ROBO1: variants seen among roughly 807,000 people sequenced by gnomAD.
ROBO1 encodes the protein roundabout guidance receptor 1, also known as roundabout homolog 1.
ROBO1 carries 149 observed loss-of-function variants against 195.9 expected under a neutral mutation model. The ratio of observed to expected loss-of-function variants is 0.76; its 90% CI spans 0.67 to 0.87. The LOEUF (loss-of-function observed/expected upper bound fraction) is 0.87. ROBO1 is among the 40% of genes least tolerant of loss of function. The pLI is 0.00. For synonymous variants in ROBO1, 816 were observed against 733.2 expected, an observed-to-expected ratio of 1.11 and a Z score of -1.82; for missense variants, 1,933 against 2,068.3, an observed-to-expected ratio of 0.93 and a Z score of 1.27.
At chr3:79,445,796 G>A (rs62257568) in intron 2 of ROBO1, among the ~76,000 whole-genome samples, 37,780 of 151,560 alleles carry the variant, frequency 0.25, 5,848 homozygotes, top group East Asian at 0.38. Flanking sequence ...CGAGTAGCTG[G>A]GACTACAGGC....
Position 79,120,538 on chromosome 3 carries a change from C to A in ROBO1, c.172+4918G>T, listed in dbSNP as rs1330828274. On this transcript the variant is annotated intron_variant, in intron 3 of 30. Coordinates refer to ENST00000464233, the MANE Select transcript of ROBO1 (RefSeq NM_002941.4). ...AGGCTTCTTTTAATTAGTGAAGAAA[C>A]CAGGAAAGAGAAAGTAATTAGATCT... is the stretch of plus-strand genomic sequence containing the variant. Among the ~76,000 whole-genome samples the A allele has an allele frequency of 7.2e-5, 11 of 151,782 alleles. No individual in the cohort carries two copies. In the East Asian group the frequency reaches 1.6e-3, roughly 21 times the overall value.
At chr3:78,609,452 C>T (rs1320012876) in intron 28 of ROBO1, among the ~76,000 whole-genome samples, 3 of 152,160 alleles carry the variant, frequency 2.0e-5, no homozygotes, top group Admixed American at 1.3e-4. Flanking sequence ...TACCTGTCTT[C>T]CCATTCACAT....
At chr3:79,740,150 G>A (rs1053726654) in intron 1 of ROBO1, among the ~76,000 whole-genome samples, 5 of 148,294 alleles carry the variant, frequency 3.4e-5, no homozygotes, top group African/African-American at 1.2e-4. Context: ...TCCATTTAAG[G>A]CACTGCTTCA....
At chr3:79,005,473 T>C (rs993901398) in intron 3 of ROBO1, among the ~76,000 whole-genome samples, 12 of 152,196 alleles carry the variant, frequency 7.9e-5, no homozygotes, top group African/African-American at 2.7e-4. Flanking sequence ...AAACTAAAAA[T>C]TTCTACGTTT....
rs1365382004 is a variant in ROBO1, at chr3:78,789,201, G to T, written c.500-42301C>A. ...AGTCATCACTGGTTTTGTGCCTCGG[G>T]GGAACAGAATGAATAAAAGTAAGAT... On this transcript the variant is annotated intron_variant, in intron 4 of 30. Coordinates refer to ENST00000464233, the MANE Select transcript of ROBO1 (RefSeq NM_002941.4). Among the ~76,000 whole-genome samples, 3 of 151,970 alleles carry T rather than the reference G, an allele frequency of 2.0e-5. No individual in the cohort carries two copies. In the East Asian group the frequency reaches 5.8e-4, roughly 29 times the overall value.
intron 1 of ROBO1, among the ~76,000 whole-genome samples, chr3:79,724,732 C>A (rs778685222): frequency 6.6e-6 from 1 of 152,226 alleles, no homozygotes; most frequent in East Asian, 1.9e-4. Flanking sequence ...GAAACAGTGT[C>A]CCAGCAAATC....
At chr3:78,984,060 A>G (rs1381679053) in intron 3 of ROBO1, among the ~76,000 whole-genome samples, 1 of 152,196 alleles carries the variant, frequency 6.6e-6, no homozygotes. Flanking sequence ...AACATCATTA[A>G]TAACGAAGAA....
intron 4 of ROBO1, among the ~76,000 whole-genome samples, chr3:78,815,352 A>G (rs1009908573): frequency 6.6e-6 from 1 of 152,184 alleles, no homozygotes; most frequent in Admixed American, 6.5e-5. Flanking sequence ...AAAGTACTTG[A>G]AAGAGATTAG....
rs573454160 is a variant in ROBO1 at position 79,052,923 on chromosome 3, C to A, written c.172+72533G>T. Among the ~76,000 whole-genome samples, 5 of 152,186 alleles carry A rather than the reference C, an allele frequency of 3.3e-5. No individual in the cohort carries two copies. In the South Asian group the frequency reaches 1.0e-3, roughly 32 times the overall value. Reference sequence around the variant, plus strand: ...TATGGGTCACAAAGAGTCTAAACATCATGCTTATCTCTGCTATATTAAACT... The same window carrying A: ...TATGGGTCACAAAGAGTCTAAACATAATGCTTATCTCTGCTATATTAAACT... On this transcript the variant is annotated intron_variant, in intron 3 of 30. Transcript: ENST00000464233.
intron 1 of ROBO1, among the ~76,000 whole-genome samples, chr3:79,653,195 C>T (rs1004601345): frequency 2.0e-5 from 3 of 151,642 alleles, no homozygotes. Context: ...CTTTATTACA[C>T]ATCGATGTTT....
chr3:79,380,306 T>C (rs2036526262), intron 2 of ROBO1, among the ~76,000 whole-genome samples: 1 of 152,192 alleles, frequency 6.6e-6, no homozygotes, highest in African/African-American at 2.4e-5. Flanking sequence ...TTAATCCCTC[T>C]ATGCAAGTGG....
At chr3:78,701,562 A>C (rs2107941148) in intron 8 of ROBO1, among the ~76,000 whole-genome samples, 1 of 152,310 alleles carries the variant, frequency 6.6e-6, no homozygotes. Flanking sequence ...AAAATTATTT[A>C]TTATCAATTA....
At chr3:79,435,504 G>T (rs2038852886) in intron 2 of ROBO1, among the ~76,000 whole-genome samples, 1 of 152,058 alleles carries the variant, frequency 6.6e-6, no homozygotes, top group Admixed American at 6.6e-5. Context: ...TATTTTTTAG[G>T]TTTATTCTTC....
At chr3:79,511,003 GCA>G (rs1322055386) in intron 2 of ROBO1, among the ~76,000 whole-genome samples, 3 of 152,060 alleles carry the variant, frequency 2.0e-5, no homozygotes, top group Non-Finnish European at 4.4e-5. Flanking sequence ...TAACAAATCT[GCA>G]CATTTTTTTA....
chr3:79,646,526 A>G (rs775525686), intron 1 of ROBO1, among the ~76,000 whole-genome samples: 22 of 152,188 alleles, frequency 1.4e-4, no homozygotes, highest in Non-Finnish European at 2.6e-4. Flanking sequence ...CAGAACTACC[A>G]TATGATCCAG....
intron 1 of ROBO1, among the ~76,000 whole-genome samples, chr3:79,675,218 A>G (rs1946749605): frequency 6.9e-6 from 1 of 144,250 alleles, no homozygotes. Flanking sequence ...GGGATGAAAC[A>G]AGAGAAATTG....
At chr3:78,905,711 TA>T (rs2037865928) in intron 4 of ROBO1, among the ~76,000 whole-genome samples, 1 of 152,066 alleles carries the variant, frequency 6.6e-6, no homozygotes, top group Non-Finnish European at 1.5e-5. Context: ...CATTCACATA[TA>T]ATAATATAAT....
intron 4 of ROBO1, among the ~76,000 whole-genome samples, chr3:78,896,516 C>A (rs560061564): frequency 8.6e-5 from 13 of 151,916 alleles, no homozygotes; most frequent in East Asian, 5.8e-4. Context: ...AGATCCACCC[C>A]CTGCCCACAA....
In ROBO1 at chr3:79,019,252, G is replaced by A. The variant is rs2078042608; in HGVS notation, c.173-80325C>T. 6 of 985,764 alleles carry A rather than the reference G, an allele frequency of 6.1e-6. No individual in the cohort carries two copies. The Admixed American group carries it at 3.1e-4, about 51-fold the overall frequency. 61.1% of individuals were successfully genotyped at this position (985,764 alleles called of 1,614,324 possible). A position where few individuals can be genotyped will look rare whatever the true frequency, so the allele number is the denominator to read the frequency against. Reference sequence around the variant, plus strand: ...GCAGGCACCCCTAAACTACGCAGAAGCCCAAACTTCCTGGGGGCAGCTGCC... The same window carrying A: ...GCAGGCACCCCTAAACTACGCAGAAACCCAAACTTCCTGGGGGCAGCTGCC... On this transcript the variant is annotated intron_variant, in intron 3 of 30. Coordinates refer to ENST00000464233, the MANE Select transcript of ROBO1 (RefSeq NM_002941.4).
Sources: allele counts gnomAD v4.1 joint callset (sites outside exome capture counted in the v4.1 genomes callset), GRCh38; gene constraint gnomAD v4.1.1; transcripts MANE v1.5; gene names NCBI Gene and HGNC (gene_info 2026-07-23, HGNC 2026-07-21).